The following ATP13A3 variants were observed in gnomAD, a reference collection of about 807,000 sequenced individuals.
ATP13A3 encodes the protein ATPase 13A3, also known as polyamine-transporting ATPase 13A3.
Under a neutral mutation model 158.1 loss-of-function variants are expected in ATP13A3, and 59 were observed. That is an observed-to-expected ratio of 0.37 (90% CI 0.30 to 0.46). The LOEUF (loss-of-function observed/expected upper bound fraction) is 0.46. Among genes scored for constraint, ATP13A3 ranks in the 20% least tolerant of loss-of-function variants. The pLI, the probability that ATP13A3 is intolerant of heterozygous loss-of-function variation, is 1.00. For synonymous variants in ATP13A3, 491 were observed against 504.3 expected (o/e 0.97, Z 0.35); for missense variants, 1,166 against 1,525.2 (o/e 0.76, Z 3.92).
intron 20 of ATP13A3, among the ~76,000 whole-genome samples, chr3:194,434,656 C>T (rs143601009): frequency 6.6e-6 from 1 of 152,168 alleles, no homozygotes; most frequent in Non-Finnish European, 1.5e-5. Flanking sequence ...GTAGCTCATG[C>T]CTGTAATCCC....
At chr3:194,438,042 A>C (rs1462786928) in intron 17 of ATP13A3, among the ~76,000 whole-genome samples, 4 of 151,994 alleles carry the variant, frequency 2.6e-5, no homozygotes, top group Non-Finnish European at 4.4e-5. Flanking sequence ...CGCCTGTAAT[A>C]CCAGCTCCTC....
At chr3:194,410,004 C>T (rs1715239560) in intron 33 of ATP13A3, among the ~76,000 whole-genome samples, 1 of 151,782 alleles carries the variant, frequency 6.6e-6, no homozygotes, top group East Asian at 1.9e-4. Flanking sequence ...AAAAATGCAC[C>T]TTAATCATGA....
At chr3:194,477,595 T>A (rs995194698) in intron 2 of ATP13A3, among the ~76,000 whole-genome samples, 1 of 152,204 alleles carries the variant, frequency 6.6e-6, no homozygotes, top group Non-Finnish European at 1.5e-5. Flanking sequence ...TTAATCAGGA[T>A]CCTTCTGTTC....
chr3:194,463,595 C>T (rs1719806796), intron 2 of ATP13A3, among the ~76,000 whole-genome samples: 1 of 152,150 alleles, frequency 6.6e-6, no homozygotes, highest in South Asian at 2.1e-4. Context: ...TGAGGCTGAT[C>T]TCACAGTAGG....
intron 11 of ATP13A3, among the ~76,000 whole-genome samples, chr3:194,449,363 T>TA (rs149302639): frequency 0.016 from 2,399 of 150,060 alleles, 41 homozygotes; most frequent in South Asian, 0.11. Flanking sequence ...CTAGGACAAT[T>TA]AAAAAAAAAA....
intron 11 of ATP13A3, 55 bp downstream of exon 11, chr3:194,450,090 C>T: frequency 6.4e-7 from 1 of 1,565,464 alleles, no homozygotes; most frequent in Non-Finnish European, 8.8e-7. Flanking sequence ...TACTCACTAA[C>T]TTAGTCATGA....
chr3:194,448,602 T>C lies in ATP13A3; in HGVS notation c.1005A>G (p.Pro335=). The C allele has an allele frequency of 6.2e-7, 1 of 1,613,388 alleles. No individual in the cohort carries two copies. ...ESVPVTKTNL[P]NPSVDVKGIG... ...TTCCTTTCACATCCACTGAAGGATT[T>C]GGCAAATTAGTCTTTGTCACTGGAA... The change falls in exon 12 of 34, where the codon CCA becomes CCG. Residue 335 remains proline (P), a synonymous_variant. Transcript: ENST00000645319. This position sits in a 1 kb window ranked among gnomAD's most constrained non-coding sequence, Gnocchi z 4.0.
chr3:194,408,905 G>C (rs1237273542), intron 33 of ATP13A3, among the ~76,000 whole-genome samples: 2 of 152,226 alleles, frequency 1.3e-5, no homozygotes, highest in Non-Finnish European at 2.9e-5. Context: ...AGATGATGAT[G>C]ATGAAGGGAG....
At chr3:194,415,044 T>C (rs532798083) in intron 31 of ATP13A3, among the ~76,000 whole-genome samples, 2 of 152,202 alleles carry the variant, frequency 1.3e-5, no homozygotes, top group Admixed American at 1.3e-4. Flanking sequence ...AACCCTAACA[T>C]TTAAGGAATG....
chr3:194,448,781 T>A lies in ATP13A3; in HGVS notation c.971-145A>T, dbSNP rs1718585242. On this transcript the variant is annotated intron_variant, in intron 11 of 33. Coordinates refer to ENST00000645319, the MANE Select transcript of ATP13A3 (RefSeq NM_001367549.1). The surrounding 1 kb of genome is among the most constrained non-coding windows in gnomAD (Gnocchi z 4.0). ...TTTACAATAATCACTGAGAGTTGTA[T>A]ATGTGGACAACATGGCTTAATTTTT... 2 of 858,646 alleles carry A rather than the reference T, an allele frequency of 2.3e-6. No homozygotes were observed. The highest frequency in any genetic ancestry group is 3.4e-6 in the Non-Finnish European group (2 of 588,796). The allele number at this position is 858,646 out of a possible 1,614,324, so 53.2% of individuals were successfully genotyped here.
chr3:194,440,095 G>C (rs1178383238), intron 16 of ATP13A3, among the ~76,000 whole-genome samples: 2 of 152,152 alleles, frequency 1.3e-5, no homozygotes, highest in East Asian at 3.8e-4. Context: ...CAGGGAAGAG[G>C]GAAGGGAGGA....
intron 2 of ATP13A3, among the ~76,000 whole-genome samples, chr3:194,483,348 G>A (rs1720832666): frequency 6.6e-6 from 1 of 151,444 alleles, no homozygotes; most frequent in Non-Finnish European, 1.5e-5. Flanking sequence ...CTAACACTTT[G>A]GGAGGCCAAG....
At chr3:194,432,581 T>C (rs181833187) in intron 21 of ATP13A3, among the ~76,000 whole-genome samples, 75 of 152,092 alleles carry the variant, frequency 4.9e-4, no homozygotes, top group African/African-American at 1.5e-3. Flanking sequence ...GGAAAATAAA[T>C]AAATAAATAA....
At chr3:194,434,695 T>C (rs1484303789) in intron 20 of ATP13A3, among the ~76,000 whole-genome samples, 8 of 152,140 alleles carry the variant, frequency 5.3e-5, no homozygotes, top group East Asian at 1.9e-4. Flanking sequence ...AATAGGAGGA[T>C]TGCTTGAACC....
intron 14 of ATP13A3, 123 bp from the exon 15 acceptor site, chr3:194,444,909 T>C: frequency 1.5e-6 from 1 of 663,138 alleles, no homozygotes; most frequent in Non-Finnish European, 2.5e-6. Context: ...ATAATGGAGT[T>C]CTACAGAGTT....
In ATP13A3 at chr3:194,456,842, C is replaced by T. The variant is rs375592154; in HGVS notation, c.560+252G>A. Among the ~76,000 whole-genome samples the T allele has an allele frequency of 7.2e-5, 11 of 152,212 alleles. No individual in the cohort carries two copies. The South Asian group carries it at 1.2e-3, about 17-fold the overall frequency. ...TCAGAGATGTTAAAAGGTGGAAAAA[C>T]GTGCACCTGGGAACTGATGAAATAT... On this transcript the variant is annotated intron_variant, in intron 7 of 33. Transcript: ENST00000645319.
At chr3:194,419,013 G>A (rs1716097663) in intron 31 of ATP13A3, among the ~76,000 whole-genome samples, 1 of 152,078 alleles carries the variant, frequency 6.6e-6, no homozygotes, top group Non-Finnish European at 1.5e-5. Flanking sequence ...CCCATACACT[G>A]AAAGACATGT....
intron 20 of ATP13A3, among the ~76,000 whole-genome samples, chr3:194,435,446 A>T (rs1458295164): frequency 2.6e-5 from 4 of 152,110 alleles, no homozygotes; most frequent in African/African-American, 9.7e-5. Context: ...GGGAAATGCT[A>T]AAACCTGTTT....
At chr3:194,408,033 T>C (rs1715073148) in intron 33 of ATP13A3, among the ~76,000 whole-genome samples, 2 of 151,784 alleles carry the variant, frequency 1.3e-5, no homozygotes, top group African/African-American at 4.8e-5. Flanking sequence ...TTTTTTTTTT[T>C]TTTTTGAGAC....
Sources: gnomAD v4.1 joint callset for allele counts (sites outside exome capture counted in the v4.1 genomes callset) on GRCh38, gnomAD v4.1.1 for gene constraint, Gnocchi (gnomAD v3.1) non-coding constraint, MANE v1.5 for transcripts, NCBI Gene and HGNC (gene_info 2026-07-23, HGNC 2026-07-21) for gene names.